CALD1: variants seen among roughly 807,000 people sequenced by gnomAD.
CALD1 encodes the protein caldesmon.
In CALD1, 33 loss-of-function variants were observed where a neutral mutation model predicts 99.9. The observed-to-expected ratio is 0.33, with a 90% CI of 0.25 to 0.44. The LOEUF (loss-of-function observed/expected upper bound fraction) is 0.44. Ranked by LOEUF, CALD1 falls within the 20% of genes least tolerant of loss-of-function variation. The probability of loss-of-function intolerance (pLI) is 1.00; values close to 1 mark genes in which losing one functional copy is unlikely to be tolerated. For missense variants in CALD1, 861 were observed against 962.1 expected, an observed-to-expected ratio of 0.89 and a Z score of 1.39; for synonymous variants, 310 against 325.0, an observed-to-expected ratio of 0.95 and a Z score of 0.50.
chr7:134,858,884 T>C (rs1800436712), intron 2 of CALD1, among the ~76,000 whole-genome samples: 1 of 152,136 alleles, frequency 6.6e-6, no homozygotes, highest in Admixed American at 6.5e-5. Context: ...TGGAAGATCT[T>C]ATAGTAGAGC....
intron 2 of CALD1, among the ~76,000 whole-genome samples, chr7:134,845,506 G>C (rs1034462508): frequency 1.3e-5 from 2 of 152,212 alleles, no homozygotes; most frequent in African/African-American, 4.8e-5. Context: ...GTAGGAAATA[G>C]TAAATAGCAC....
intron 1 of CALD1, among the ~76,000 whole-genome samples, chr7:134,833,046 T>G (rs756001962): frequency 2.0e-5 from 3 of 152,262 alleles, no homozygotes; most frequent in African/African-American, 4.8e-5. Context: ...TCAGCTCTAT[T>G]TAGCCTATAA....
Position 134,783,764 on chromosome 7 carries a change from A to G in CALD1, c.-130+4015A>G, listed in dbSNP as rs1248344639. On this transcript the variant is annotated intron_variant, in intron 1 of 14. Transcript: ENST00000361675. The surrounding 1 kb of genome is among the most constrained non-coding windows in gnomAD (Gnocchi z 4.3). The stretch of plus-strand genomic sequence containing the variant: ...CATGTAAGATGGGGAGTGGGGTCAG[A>G]TCTGGATTCCCATAGAAGACAAGGG... Among the ~76,000 whole-genome samples, 2 of 152,200 alleles carry G rather than the reference A, an allele frequency of 1.3e-5. No homozygotes were observed. Among genetic ancestry groups the G allele is most frequent in the African/African-American group, 4.8e-5 (2 of 41,456 alleles).
the CALD1 span, among the ~76,000 whole-genome samples, chr7:134,720,844 GTCTTATA>G: frequency 2.6e-5 from 4 of 152,310 alleles, no homozygotes; most frequent in East Asian, 7.7e-4. Context: ...GGAACATTGT[GTCTTATA>G]TTCATGGGCT....
chr7:134,887,842 ATGTG>A (rs766634695), intron 3 of CALD1, among the ~76,000 whole-genome samples: 4 of 150,714 alleles, frequency 2.7e-5, no homozygotes, highest in Non-Finnish European at 5.9e-5. Context: ...GCATTCGTGT[ATGTG>A]TGTGTGCCTG....
chr7:134,963,698 G>A (rs2732900), intron 13 of CALD1, among the ~76,000 whole-genome samples: 108,710 of 152,142 alleles, frequency 0.71, 39,297 homozygotes, highest in African/African-American at 0.81. Context: ...ACTCTAAGCT[G>A]TATAACTGTT....
At chr7:134,825,186 A>G (rs1207250579) in intron 1 of CALD1, among the ~76,000 whole-genome samples, 1 of 152,080 alleles carries the variant, frequency 6.6e-6, no homozygotes, top group Non-Finnish European at 1.5e-5. Flanking sequence ...AGAAAGGGGG[A>G]TAGGAAAAGG....
intron 2 of CALD1, among the ~76,000 whole-genome samples, chr7:134,865,170 G>GA (rs1191217985): frequency 1.4e-4 from 21 of 150,464 alleles, no homozygotes; most frequent in East Asian, 9.8e-4. Context: ...ACGTAGAAGA[G>GA]AAAAAGAAAA....
chr7:134,921,930 G>C lies in CALD1; in HGVS notation c.72-6824G>C, dbSNP rs1400409785. On this transcript the variant is annotated intron_variant, in intron 3 of 14. Transcript: ENST00000361675. ...TCGTGCAATAGGGGAAAAAATGAAA[G>C]AACCCAAAATGTCTTTCTATAGAAT... 3.3e-5 allele frequency among the ~76,000 whole-genome samples: 5 copies of C among 152,056 alleles called. No individual in the cohort carries two copies. The East Asian group carries it at 9.6e-4, about 29-fold the overall frequency.
At position 134,931,352 on chromosome 7, in the gene CALD1, A is replaced by T. The variant is rs998653557; in HGVS notation, c.219-1636A>T. Among the ~76,000 whole-genome samples the T allele has an allele frequency of 5.3e-5, 8 of 152,216 alleles. No homozygotes were observed. In the South Asian group the frequency reaches 1.4e-3, roughly 28 times the overall value. ...GCCTTTTAAAAATTATTAGAATTCA[A>T]TTGATCCAAATGGCCCCTCTATAGA... On this transcript the variant is annotated intron_variant, in intron 4 of 14. Transcript: ENST00000361675.
intron 9 of CALD1, among the ~76,000 whole-genome samples, chr7:134,951,571 A>G (rs1166820758): frequency 6.6e-6 from 1 of 152,208 alleles, no homozygotes; most frequent in African/African-American, 2.4e-5. Flanking sequence ...AGCAATTATT[A>G]TGGGAGGAGG....
intron 3 of CALD1, among the ~76,000 whole-genome samples, chr7:134,874,680 A>G (rs1190312215): frequency 2.0e-5 from 3 of 152,232 alleles, no homozygotes; most frequent in Admixed American, 1.3e-4. Flanking sequence ...GAGTTACGTT[A>G]TCAGATTCAG....
chr7:134,951,011 A>AG (rs927786605), intron 9 of CALD1, among the ~76,000 whole-genome samples: 1 of 152,212 alleles, frequency 6.6e-6, no homozygotes, highest in Non-Finnish European at 1.5e-5. Flanking sequence ...TCAAGGTGCC[A>AG]GCAGATGTGG....
chr7:134,799,609 G>A (rs1797871365), intron 1 of CALD1, among the ~76,000 whole-genome samples: 1 of 152,108 alleles, frequency 6.6e-6, no homozygotes, highest in Non-Finnish European at 1.5e-5. Context: ...GTTGTACCAG[G>A]GATGAAGTTT....
the CALD1 span, among the ~76,000 whole-genome samples, chr7:134,717,436 C>A: frequency 6.6e-6 from 1 of 152,298 alleles, no homozygotes; most frequent in South Asian, 2.1e-4. Context: ...GGAATGAAAT[C>A]GGAACACATT....
At chr7:134,715,633 C>T in the CALD1 span, among the ~76,000 whole-genome samples, 4 of 152,074 alleles carry the variant, frequency 2.6e-5, no homozygotes, top group African/African-American at 9.7e-5. Context: ...AAATTTTATA[C>T]GTATATATGT....
intron 3 of CALD1, among the ~76,000 whole-genome samples, chr7:134,903,381 T>C (rs919020568): frequency 6.6e-6 from 1 of 152,092 alleles, no homozygotes; most frequent in African/African-American, 2.4e-5. Context: ...GGAGAGGTTA[T>C]GTGTGTGTGA....
At chr7:134,801,786 T>G (rs1230080462) in intron 1 of CALD1, among the ~76,000 whole-genome samples, 1 of 72,860 alleles carries the variant, frequency 1.4e-5, no homozygotes, top group Non-Finnish European at 3.0e-5. Flanking sequence ...GCCTGCTAAA[T>G]TCGTGTATTT....
chr7:134,712,577 G>T, the CALD1 span, among the ~76,000 whole-genome samples: 1,053 of 152,316 alleles, frequency 6.9e-3, 4 homozygotes, highest in Non-Finnish European at 0.011. Context: ...ATGTCTTCTA[G>T]AATTAAAGTA....
Sources: allele counts gnomAD v4.1 joint callset (sites outside exome capture counted in the v4.1 genomes callset), GRCh38; gene constraint gnomAD v4.1.1; non-coding constraint Gnocchi (gnomAD v3.1); transcripts MANE v1.5; gene names NCBI Gene and HGNC (gene_info 2026-07-23, HGNC 2026-07-21).